SMIM13: variants seen among roughly 807,000 people sequenced by gnomAD.
SMIM13 encodes the protein small integral membrane protein 13.
Under a neutral mutation model 5.9 loss-of-function variants are expected in SMIM13, and 3 were observed. That is an observed-to-expected ratio of 0.51 (90% CI 0.23 to 1.31). The LOEUF (loss-of-function observed/expected upper bound fraction) is 1.31. SMIM13 is among the 40% of genes most tolerant of loss of function. SMIM13 has a pLI of 0.18. For synonymous variants in SMIM13, 55 were observed against 46.0 expected (o/e 1.19, Z -0.79); for missense variants, 85 against 109.9 (o/e 0.77, Z 1.01).
rs1757893687 is a variant in SMIM13 at position 11,094,349 on chromosome 6, C to T, written c.36C>T (p.Phe12=). 2.0e-6 allele frequency: 3 copies of T among 1,536,532 alleles called. No individual in the cohort carries two copies. Among genetic ancestry groups the T allele is most frequent in the African/African-American group, 1.4e-5 (1 of 72,970 alleles). The part of the protein sequence containing the change: ...WHSVGLTLLV[F]VATLLIVLLL... ...GCGTCGGGCTGACTCTGCTTGTGTT[C>T]GTGGCCACGCTGCTGATCGTCCTGC... Residue 12 remains phenylalanine, a synonymous_variant, in exon 1 of 2, where the codon TTC becomes TTT. Coordinates refer to ENST00000416247, the MANE Select transcript of SMIM13 (RefSeq NM_001135575.2).
intron 1 of SMIM13, among the ~76,000 whole-genome samples, chr6:11,110,344 C>T (rs1758148954): frequency 6.6e-6 from 1 of 152,184 alleles, no homozygotes; most frequent in African/African-American, 2.4e-5. Flanking sequence ...CTTGCATCTG[C>T]CTCCTTGGGC....
At position 11,136,840 on chromosome 6, in the gene SMIM13, A is replaced by C. The variant is rs1758523159; in HGVS notation, c.*2238A>C. The C allele has an allele frequency of 6.6e-6, 1 of 151,988 alleles. No individual in the cohort carries two copies. 9.4% of individuals were successfully genotyped at this position (151,988 alleles called of 1,614,324 possible). Reference sequence around the variant, plus strand: ...TATCAGAAAAAAAAATAATGCCCCCAAAAACTTTTGGGGGCATTATTTGGT... The same window carrying C: ...TATCAGAAAAAAAAATAATGCCCCCCAAAACTTTTGGGGGCATTATTTGGT... On this transcript the variant is annotated 3_prime_UTR_variant, in exon 2 of 2. Coordinates refer to ENST00000416247, the MANE Select transcript of SMIM13 (RefSeq NM_001135575.2).
chr6:11,109,445 TG>T (rs1450970536), intron 1 of SMIM13, among the ~76,000 whole-genome samples: 1 of 151,990 alleles, frequency 6.6e-6, no homozygotes, highest in Non-Finnish European at 1.5e-5. Context: ...TCGATATAAT[TG>T]GGTAGAAGGG....
intron 1 of SMIM13, among the ~76,000 whole-genome samples, chr6:11,095,697 T>C (rs1195587067): frequency 2.0e-5 from 3 of 152,236 alleles, no homozygotes; most frequent in African/African-American, 7.2e-5. Context: ...TAACACCAGG[T>C]TAAAGCTTCT....
intron 1 of SMIM13, among the ~76,000 whole-genome samples, chr6:11,127,333 A>G (rs1758389771): frequency 6.6e-6 from 1 of 152,188 alleles, no homozygotes; most frequent in Admixed American, 6.5e-5. Context: ...CCGAAGCTGT[A>G]AGACAAAATC....
chr6:11,094,925 G>T (rs1410303650), intron 1 of SMIM13, among the ~76,000 whole-genome samples: 4 of 152,190 alleles, frequency 2.6e-5, no homozygotes, highest in African/African-American at 9.7e-5. Flanking sequence ...TAAACTTGCA[G>T]GGTCGGGTAA....
At chr6:11,103,085 G>A (rs1055555816) in intron 1 of SMIM13, 3 of 152,264 alleles carry the variant, frequency 2.0e-5, no homozygotes, top group Non-Finnish European at 2.9e-5. Context: ...CTTGGGAGGG[G>A]ACGCATGTGC....
chr6:11,105,303 A>G, intron 1 of SMIM13: 2 of 1,611,126 alleles, frequency 1.2e-6, no homozygotes, highest in South Asian at 2.2e-5. Context: ...CAGCAGGAGC[A>G]GGCCCATGGT....
intron 1 of SMIM13, chr6:11,103,832 GA>G: frequency 6.4e-7 from 1 of 1,551,646 alleles, no homozygotes; most frequent in Non-Finnish European, 8.7e-7. Flanking sequence ...GCAAAAGTAG[GA>G]GACTAACAAG....
At chr6:11,125,004 G>A (rs898080572) in intron 1 of SMIM13, among the ~76,000 whole-genome samples, 6 of 152,192 alleles carry the variant, frequency 3.9e-5, no homozygotes, top group Non-Finnish European at 5.9e-5. Flanking sequence ...ATGGCCGGGC[G>A]TGGTGGCTCA....
chr6:11,105,237 A>C (rs760973196), intron 1 of SMIM13: 1 of 1,614,162 alleles, frequency 6.2e-7, no homozygotes, highest in African/African-American at 1.3e-5. Context: ...AGCTTTTTCC[A>C]ATAACGGGAA....
intron 1 of SMIM13, among the ~76,000 whole-genome samples, chr6:11,097,872 G>C (rs755595551): frequency 2.6e-5 from 4 of 151,964 alleles, no homozygotes; most frequent in Non-Finnish European, 5.9e-5. Flanking sequence ...TTGAGAGTCT[G>C]GTAAATGCTG....
At position 11,136,308 on chromosome 6, in the gene SMIM13, TACCAGGGAGA is replaced by T. The variant is rs1460745163; in HGVS notation, c.*1708_*1717del. ...TCAACTGAACTCTGGGCTGAGTGTT[TACCAGGGAGA>T]AGAGATGTGAATTAAACAACCTTCC... On this transcript the variant is annotated 3_prime_UTR_variant, in exon 2 of 2. Coordinates refer to ENST00000416247, the MANE Select transcript of SMIM13 (RefSeq NM_001135575.2). The T allele has an allele frequency of 6.6e-6, 1 of 152,234 alleles. No individual in the cohort carries two copies. Among genetic ancestry groups the T allele is most frequent in the Non-Finnish European group, 1.5e-5 (1 of 68,036 alleles). The allele number at this position is 152,234 out of a possible 1,614,324, so 9.4% of individuals were successfully genotyped here. A position where few individuals can be genotyped will look rare whatever the true frequency, so the allele number is the denominator to read the frequency against.
At chr6:11,103,546 G>T in intron 1 of SMIM13, 1 of 1,205,408 alleles carries the variant, frequency 8.3e-7, no homozygotes, top group Non-Finnish European at 1.1e-6. Context: ...GGCTGTAGTG[G>T]TTGTTCTGTG....
At chr6:11,114,348 T>C (rs919370615) in intron 1 of SMIM13, among the ~76,000 whole-genome samples, 8 of 152,176 alleles carry the variant, frequency 5.3e-5, no homozygotes, top group Admixed American at 3.3e-4. Flanking sequence ...CTTATAATGT[T>C]GCAAGAAAGG....
chr6:11,106,532 G>A (rs28860023), intron 1 of SMIM13, among the ~76,000 whole-genome samples: 32,828 of 152,146 alleles, frequency 0.22, 3,895 homozygotes, highest in African/African-American at 0.31. Context: ...ACTCTTGATG[G>A]TTTCCATTGG....
intron 1 of SMIM13, among the ~76,000 whole-genome samples, chr6:11,109,284 AT>A (rs1758135539): frequency 6.6e-6 from 1 of 152,166 alleles, no homozygotes; most frequent in Admixed American, 6.5e-5. Context: ...CCCTAGTTCC[AT>A]TTTAATTTGG....
intron 1 of SMIM13, among the ~76,000 whole-genome samples, chr6:11,109,537 G>A (rs1410675448): frequency 6.6e-6 from 1 of 152,188 alleles, no homozygotes; most frequent in Non-Finnish European, 1.5e-5. Context: ...TATGGCCATG[G>A]ATCTGTTTTA....
At chr6:11,129,645 G>A (rs912366232) in intron 1 of SMIM13, among the ~76,000 whole-genome samples, 1 of 151,948 alleles carries the variant, frequency 6.6e-6, no homozygotes, top group Non-Finnish European at 1.5e-5. Context: ...TTAATACATG[G>A]ATTTATTTCT....
Sources: gnomAD v4.1 joint callset for allele counts (sites outside exome capture counted in the v4.1 genomes callset) on GRCh38, gnomAD v4.1.1 for gene constraint, MANE v1.5 for transcripts, NCBI Gene and HGNC (gene_info 2026-07-23, HGNC 2026-07-21) for gene names.